GPR137C: variants seen among roughly 807,000 people sequenced by gnomAD.
GPR137C encodes the protein G protein-coupled receptor 137C, also known as integral membrane protein GPR137C.
Under a neutral mutation model 43.4 loss-of-function variants are expected in GPR137C, and 27 were observed. The ratio of observed to expected loss-of-function variants is 0.62; its 90% confidence interval spans 0.46 to 0.86. GPR137C has a LOEUF of 0.86. Among genes scored for constraint, GPR137C ranks in the 40% least tolerant of loss-of-function variants. The probability of loss-of-function intolerance (pLI) is 0.00; values close to 1 mark genes in which losing one functional copy is unlikely to be tolerated. For missense variants in GPR137C, 522 were observed against 534.6 expected (o/e 0.98, Z 0.23); for synonymous variants, 285 against 226.9 (o/e 1.26, Z -2.30).
In GPR137C at chr14:52,588,226, C is replaced by T. The variant is rs891058157; in HGVS notation, c.445-10046C>T. Reference sequence around the variant, plus strand: ...GTGATGCAATCTTGGCTCACTGCACCCTCTGCCTCCCGAGTTCAGGCAATT... The same window carrying T: ...GTGATGCAATCTTGGCTCACTGCACTCTCTGCCTCCCGAGTTCAGGCAATT... On this transcript the variant is annotated intron_variant, in intron 1 of 6. Transcript: ENST00000321662. Among the ~76,000 whole-genome samples, 5 of 152,082 alleles carry T rather than the reference C, an allele frequency of 3.3e-5. No individual in the cohort carries two copies. In the East Asian group the frequency reaches 7.7e-4, roughly 23 times the overall value.
At chr14:52,615,087 G>T (rs149020407) in intron 3 of GPR137C, among the ~76,000 whole-genome samples, 4 of 152,126 alleles carry the variant, frequency 2.6e-5, no homozygotes, top group Admixed American at 2.6e-4. Context: ...ATAATTTGAG[G>T]TCTTAGATTT....
intron 1 of GPR137C, among the ~76,000 whole-genome samples, chr14:52,597,238 C>T (rs886577361): frequency 6.6e-6 from 1 of 152,168 alleles, no homozygotes; most frequent in Non-Finnish European, 1.5e-5. Context: ...TTTGTGATAG[C>T]ATATTTTGCA....
At chr14:52,591,948 A>G (rs905081363) in intron 1 of GPR137C, among the ~76,000 whole-genome samples, 3 of 152,142 alleles carry the variant, frequency 2.0e-5, no homozygotes, top group Admixed American at 2.0e-4. Context: ...TAGGGTTTTT[A>G]TGGCTTTAGG....
At chr14:52,561,762 T>C (rs2038287216) in intron 1 of GPR137C, among the ~76,000 whole-genome samples, 1 of 152,142 alleles carries the variant, frequency 6.6e-6, no homozygotes, top group Non-Finnish European at 1.5e-5. Context: ...ATATTAAATT[T>C]TAGAAAGTGC....
At chr14:52,569,723 G>T (rs1056626783) in intron 1 of GPR137C, among the ~76,000 whole-genome samples, 8 of 151,776 alleles carry the variant, frequency 5.3e-5, no homozygotes, top group African/African-American at 1.9e-4. Context: ...GAAATAAAGC[G>T]TGAAGACAAG....
Position 52,591,775 on chromosome 14 carries a change from C to T in GPR137C, c.445-6497C>T, listed in dbSNP as rs546617004. 2.6e-5 allele frequency among the ~76,000 whole-genome samples: 4 copies of T among 152,134 alleles called. No individual in the cohort carries two copies. The South Asian group carries it at 6.2e-4, about 24-fold the overall frequency. On this transcript the variant is annotated intron_variant, in intron 1 of 6. Coordinates refer to ENST00000321662, the MANE Select transcript of GPR137C (RefSeq NM_001099652.2). Reference sequence around the variant, plus strand: ...AAAAATGTTCTCCCATTATGTAGGTCGCCTGTTCACTCTGATGACAGTTTC... The same window carrying T: ...AAAAATGTTCTCCCATTATGTAGGTTGCCTGTTCACTCTGATGACAGTTTC...
At chr14:52,577,277 A>C (rs1177408182) in intron 1 of GPR137C, among the ~76,000 whole-genome samples, 1 of 151,864 alleles carries the variant, frequency 6.6e-6, no homozygotes, top group Non-Finnish European at 1.5e-5. Flanking sequence ...ATCAAGGCAG[A>C]ATCAAAATAT....
intron 1 of GPR137C, among the ~76,000 whole-genome samples, chr14:52,571,977 A>G (rs2038478043): frequency 6.6e-6 from 1 of 152,144 alleles, no homozygotes; most frequent in South Asian, 2.1e-4. Context: ...ACCTGTACAC[A>G]AATAAACTAG....
chr14:52,629,720 A>G (rs953520564), intron 3 of GPR137C, among the ~76,000 whole-genome samples: 1 of 152,176 alleles, frequency 6.6e-6, no homozygotes, highest in Non-Finnish European at 1.5e-5. Context: ...ACTTTCTGGA[A>G]TGATGATGTT....
chr14:52,596,353 G>A (rs371842763), intron 1 of GPR137C, among the ~76,000 whole-genome samples: 16 of 152,320 alleles, frequency 1.1e-4, no homozygotes, highest in African/African-American at 3.4e-4. Context: ...GCTCTCTTCC[G>A]AGCTGTTAGA....
intron 3 of GPR137C, among the ~76,000 whole-genome samples, chr14:52,615,436 G>C (rs753067304): frequency 6.7e-5 from 10 of 149,606 alleles, no homozygotes; most frequent in Non-Finnish European, 8.9e-5. Flanking sequence ...TGGCTATTCT[G>C]GGTCTTTTGT....
intron 1 of GPR137C, among the ~76,000 whole-genome samples, chr14:52,557,091 GT>G (rs2038206345): frequency 6.6e-6 from 1 of 151,956 alleles, no homozygotes; most frequent in African/African-American, 2.4e-5. Context: ...ATTTGATTTT[GT>G]TCTGTTCTTT....
chr14:52,600,088 A>G (rs777400670), intron 2 of GPR137C, 25 bp from the exon 3 acceptor site: 3 of 1,452,864 alleles, frequency 2.1e-6, no homozygotes, highest in Admixed American at 1.7e-5. Flanking sequence ...TTATATAACC[A>G]TCTAATATAC....
chr14:52,586,433 CA>C (rs2139496170), intron 1 of GPR137C, among the ~76,000 whole-genome samples: 1 of 152,294 alleles, frequency 6.6e-6, no homozygotes, highest in Non-Finnish European at 1.5e-5. Flanking sequence ...GTACCAGTGA[CA>C]TACCAGTCAC....
At chr14:52,553,642 C>G (rs2038135927) in intron 1 of GPR137C, 51 bp downstream of exon 1, 2 of 1,364,892 alleles carry the variant, frequency 1.5e-6, no homozygotes, top group South Asian at 1.5e-5. Context: ...GCGGGGCCGC[C>G]GGGATCAACT....
At chr14:52,594,700 T>C (rs10140552) in intron 1 of GPR137C, among the ~76,000 whole-genome samples, 75,610 of 151,872 alleles carry the variant, frequency 0.5, 19,549 homozygotes, top group East Asian at 0.7. Context: ...TTTTTTTGAG[T>C]CTATGTGTGT....
intron 3 of GPR137C, among the ~76,000 whole-genome samples, chr14:52,602,583 A>C (rs2038939293): frequency 2.0e-5 from 3 of 152,118 alleles, no homozygotes; most frequent in African/African-American, 7.2e-5. Context: ...TTTATTATCC[A>C]GGAACGGCTT....
At chr14:52,572,548 C>T (rs2038487580) in intron 1 of GPR137C, among the ~76,000 whole-genome samples, 2 of 152,058 alleles carry the variant, frequency 1.3e-5, no homozygotes, top group Non-Finnish European at 2.9e-5. Flanking sequence ...AATTCAACAC[C>T]CCTTCAAGCT....
At chr14:52,621,841 A>G (rs922828507) in intron 3 of GPR137C, among the ~76,000 whole-genome samples, 7 of 151,660 alleles carry the variant, frequency 4.6e-5, no homozygotes, top group Non-Finnish European at 7.4e-5. Flanking sequence ...TGTGTATATT[A>G]TATCTATTAA....
Sources: gnomAD v4.1 joint callset for allele counts (sites outside exome capture counted in the v4.1 genomes callset) on GRCh38, gnomAD v4.1.1 for gene constraint, MANE v1.5 for transcripts, NCBI Gene and HGNC (gene_info 2026-07-23, HGNC 2026-07-21) for gene names.